The following IL1RAPL1 variants were observed in gnomAD, a reference collection of about 807,000 sequenced individuals.
IL1RAPL1 encodes interleukin 1 receptor accessory protein like 1, also known as interleukin-1 receptor accessory protein-like 1.
Under a neutral mutation model 48.4 loss-of-function variants are expected in IL1RAPL1, and 3 were observed. The observed-to-expected ratio is 0.06, with a 90% CI of 0.03 to 0.16. IL1RAPL1 has a LOEUF of 0.16. Among genes scored for constraint, IL1RAPL1 ranks in the 10% least tolerant of loss-of-function variants. The probability of loss-of-function intolerance (pLI) is 1.00; values close to 1 mark genes in which losing one functional copy is unlikely to be tolerated. For synonymous variants in IL1RAPL1, 185 were observed against 187.7 expected, an observed-to-expected ratio of 0.99 and a Z score of 0.12; for missense variants, 349 against 530.6, an observed-to-expected ratio of 0.66 and a Z score of 3.36.
chrX:29,814,022 T>C (rs183682316), intron 6 of IL1RAPL1, among the ~76,000 whole-genome samples: 11 of 112,143 alleles, frequency 9.8e-5, no homozygotes, highest in Middle Eastern at 4.6e-3. Flanking sequence ...TCCATGTCTT[T>C]ACCATTGTTA....
At chrX:28,685,577 C>G (rs1236130898) in intron 1 of IL1RAPL1, among the ~76,000 whole-genome samples, 1 of 111,997 alleles carries the variant, frequency 8.9e-6, no homozygotes, top group Non-Finnish European at 1.9e-5. Flanking sequence ...TTCATCAATT[C>G]TAAGCACATT....
At chrX:29,318,134 G>A (rs1932776531) in intron 3 of IL1RAPL1, among the ~76,000 whole-genome samples, 1 of 112,107 alleles carries the variant, frequency 8.9e-6, no homozygotes, top group African/African-American at 3.2e-5. Flanking sequence ...TTAATTCATA[G>A]TTTGTGTAGG....
At chrX:29,089,749 A>AATATAT (rs1159198583) in intron 2 of IL1RAPL1, among the ~76,000 whole-genome samples, 4,174 of 16,828 alleles carry the variant, frequency 0.25, 655 homozygotes, top group Non-Finnish European at 0.27. Context: ...GAGAAATATG[A>AATATAT]ATATATATAT....
At chrX:29,744,976 A>C (rs1264604274) in intron 6 of IL1RAPL1, among the ~76,000 whole-genome samples, 1 of 112,260 alleles carries the variant, frequency 8.9e-6, no homozygotes, top group African/African-American at 3.2e-5. Context: ...GCCAGAAATT[A>C]TCACATTAGC....
At chrX:28,848,522 T>C (rs1176393994) in intron 2 of IL1RAPL1, among the ~76,000 whole-genome samples, 1 of 110,807 alleles carries the variant, frequency 9.0e-6, no homozygotes, top group African/African-American at 3.3e-5. Context: ...GGGTTTTCTA[T>C]ATTTAACAGA....
At chrX:29,477,612 TTATATA>T (rs1184544663) in intron 5 of IL1RAPL1, among the ~76,000 whole-genome samples, 1 of 112,032 alleles carries the variant, frequency 8.9e-6, no homozygotes, top group African/African-American at 3.3e-5. Context: ...TTTAAGTACT[TTATATA>T]TATTAACATA....
intron 2 of IL1RAPL1, among the ~76,000 whole-genome samples, chrX:29,153,426 C>T (rs188772321): frequency 5.4e-5 from 6 of 111,879 alleles, no homozygotes. Flanking sequence ...ACTCTTCCCT[C>T]CTAATTTAAT....
intron 5 of IL1RAPL1, among the ~76,000 whole-genome samples, chrX:29,476,222 G>C (rs1468791638): frequency 8.9e-6 from 1 of 111,772 alleles, no homozygotes; most frequent in African/African-American, 3.3e-5. Context: ...AGGCTACTGA[G>C]TATAACCAGA....
intron 6 of IL1RAPL1, among the ~76,000 whole-genome samples, chrX:29,885,581 C>T (rs1217935202): frequency 1.8e-5 from 2 of 111,586 alleles, no homozygotes; most frequent in Non-Finnish European, 3.8e-5. Flanking sequence ...GAGGCTGAGG[C>T]AGGAGAATCT....
At position 29,002,130 on chromosome X, in the gene IL1RAPL1, G is replaced by C. The variant is rs573432549; in HGVS notation, c.82+212705G>C. Among the ~76,000 whole-genome samples the C allele has an allele frequency of 1.1e-4, 12 of 109,527 alleles. No individual in the cohort carries two copies. The South Asian group carries it at 4.8e-3, about 44-fold the overall frequency. ...TTGGCCATGCTGCTCTCGAACTCCT[G>C]ACCTTGTGATCTGCCCACCTTAGCC... is the stretch of plus-strand genomic sequence containing the variant. On this transcript the variant is annotated intron_variant, in intron 2 of 10. Transcript: ENST00000378993.
chrX:28,759,684 A>C (rs896888383), intron 1 of IL1RAPL1, among the ~76,000 whole-genome samples: 10 of 111,918 alleles, frequency 8.9e-5, no homozygotes, highest in African/African-American at 3.2e-4. Flanking sequence ...GTATAGTTTC[A>C]GCTAATAAAT....
At chrX:29,410,608 T>C (rs1372832817) in intron 5 of IL1RAPL1, among the ~76,000 whole-genome samples, 1 of 111,899 alleles carries the variant, frequency 8.9e-6, no homozygotes, top group Non-Finnish European at 1.9e-5. Flanking sequence ...TTCTGGAAAA[T>C]GCAGTCAATT....
chrX:29,146,660 C>T (rs954490128), intron 2 of IL1RAPL1, among the ~76,000 whole-genome samples: 5 of 111,861 alleles, frequency 4.5e-5, no homozygotes, highest in African/African-American at 1.6e-4. Context: ...ATATTTTGAG[C>T]ACCTTTTATG....
chrX:29,024,536 T>C (rs777617368), intron 2 of IL1RAPL1, among the ~76,000 whole-genome samples: 2 of 111,948 alleles, frequency 1.8e-5, no homozygotes, highest in East Asian at 2.8e-4. Flanking sequence ...CAAAATTACA[T>C]TGGGTTATTG....
intron 1 of IL1RAPL1, among the ~76,000 whole-genome samples, chrX:28,715,851 TACCAAA>T (rs370018072): frequency 7.2e-5 from 8 of 111,629 alleles, no homozygotes; most frequent in African/African-American, 2.3e-4. Context: ...ATCATCTTGA[TACCAAA>T]ACCCTGCAGA....
chrX:28,597,255 A>G (rs377253932), intron 1 of IL1RAPL1, among the ~76,000 whole-genome samples: 6 of 111,544 alleles, frequency 5.4e-5, no homozygotes, highest in African/African-American at 2.0e-4. Flanking sequence ...GCTCAGATTT[A>G]TGCTTTAGGA....
At chrX:29,609,797 A>G (rs1045467338) in intron 5 of IL1RAPL1, among the ~76,000 whole-genome samples, 1 of 112,330 alleles carries the variant, frequency 8.9e-6, no homozygotes, top group Non-Finnish European at 1.9e-5. Context: ...GCTGTCTGCC[A>G]CCAAACTTAT....
chrX:29,269,640 G>A (rs1375632179), intron 2 of IL1RAPL1, among the ~76,000 whole-genome samples: 1 of 90,550 alleles, frequency 1.1e-5, no homozygotes, highest in Non-Finnish European at 2.2e-5. Context: ...TTTTTTTTCT[G>A]TGCTGCCATC....
intron 2 of IL1RAPL1, among the ~76,000 whole-genome samples, chrX:29,175,065 C>A (rs868035263): frequency 1.7e-5 from 1 of 59,744 alleles, no homozygotes; most frequent in African/African-American, 6.7e-5. Context: ...CAGTGTGAGA[C>A]TCCGTCTCAA....
Sources: allele counts gnomAD v4.1 joint callset (sites outside exome capture counted in the v4.1 genomes callset), GRCh38; gene constraint gnomAD v4.1.1; transcripts MANE v1.5; gene names NCBI Gene and HGNC (gene_info 2026-07-23, HGNC 2026-07-21).